The following KCNAB1 variants were observed in gnomAD, a reference collection of about 807,000 sequenced individuals.
KCNAB1 encodes the protein voltage-gated potassium channel subunit beta-1.
Under a neutral mutation model 64.6 loss-of-function variants are expected in KCNAB1, and 35 were observed. That is an observed-to-expected ratio of 0.54 (90% CI 0.41 to 0.72). The LOEUF is 0.72. KCNAB1 is among the 30% of genes least tolerant of loss of function. The pLI is 0.00. For missense variants in KCNAB1, 401 were observed against 512.9 expected (o/e 0.78, Z 2.11); for synonymous variants, 177 against 183.8 (o/e 0.96, Z 0.30).
At chr3:156,342,597 T>C (rs986127428) in intron 1 of KCNAB1, among the ~76,000 whole-genome samples, 40 of 134,584 alleles carry the variant, frequency 3.0e-4, no homozygotes, top group African/African-American at 1.1e-3. Flanking sequence ...TTTTTTTTTT[T>C]TTTTTTTTTT....
chr3:156,476,236 GT>G (rs1714329866), intron 8 of KCNAB1, among the ~76,000 whole-genome samples: 2 of 151,802 alleles, frequency 1.3e-5, no homozygotes, highest in Admixed American at 1.3e-4. Context: ...TAAGATTTTG[GT>G]GCACTTATCA....
chr3:156,377,468 A>T (rs1175695646), intron 1 of KCNAB1, among the ~76,000 whole-genome samples: 3 of 152,132 alleles, frequency 2.0e-5, no homozygotes, highest in African/African-American at 7.2e-5. Context: ...ATGGTTGTAT[A>T]CTGCCACTTG....
At chr3:156,279,429 G>C (rs981043326) in intron 1 of KCNAB1, among the ~76,000 whole-genome samples, 2 of 152,086 alleles carry the variant, frequency 1.3e-5, no homozygotes, top group African/African-American at 2.4e-5. Context: ...ATAAACATAC[G>C]GGTGCATGTG....
chr3:156,421,719 C>T (rs538302782), intron 2 of KCNAB1, 60 bp downstream of exon 2: 7 of 1,486,808 alleles, frequency 4.7e-6, no homozygotes, highest in Non-Finnish European at 6.5e-6. Context: ...GGGAGGGCAC[C>T]AGGGAGTGAC....
chr3:156,438,494 G>T (rs1293533745), intron 2 of KCNAB1, among the ~76,000 whole-genome samples: 1 of 152,226 alleles, frequency 6.6e-6, no homozygotes, highest in Admixed American at 6.5e-5. Context: ...AGACAGGTAT[G>T]TGGTTAGAAT....
intron 8 of KCNAB1, among the ~76,000 whole-genome samples, chr3:156,502,869 A>G (rs1356297913): frequency 6.6e-6 from 1 of 152,206 alleles, no homozygotes; most frequent in African/African-American, 2.4e-5. Context: ...GGAAAGTTGC[A>G]CAGTCCTGTA....
At chr3:156,357,192 T>C (rs1375950171) in intron 1 of KCNAB1, among the ~76,000 whole-genome samples, 1 of 144,900 alleles carries the variant, frequency 6.9e-6, no homozygotes, top group Admixed American at 6.7e-5. Flanking sequence ...CACACCCCTG[T>C]TCTGAAACTC....
chr3:156,430,217 G>T (rs948944968), intron 2 of KCNAB1, among the ~76,000 whole-genome samples: 5 of 152,200 alleles, frequency 3.3e-5, no homozygotes, highest in Admixed American at 3.3e-4. Context: ...GTAGGAGTGT[G>T]GCAACCTAAT....
chr3:156,356,586 T>C (rs1319116869), intron 1 of KCNAB1, among the ~76,000 whole-genome samples: 2 of 152,164 alleles, frequency 1.3e-5, no homozygotes, highest in Non-Finnish European at 2.9e-5. Context: ...CTCCTATTTT[T>C]CAAATTTAGA....
chr3:156,386,979 G>A (rs79167595), intron 1 of KCNAB1, among the ~76,000 whole-genome samples: 5 of 138,792 alleles, frequency 3.6e-5, no homozygotes, highest in Admixed American at 1.4e-4. Context: ...ATTCTTGCTT[G>A]CTTGCTTTCT....
chr3:156,286,585 GA>G (rs1720109300), intron 1 of KCNAB1, among the ~76,000 whole-genome samples: 1 of 152,080 alleles, frequency 6.6e-6, no homozygotes. Flanking sequence ...CAGGTGATAG[GA>G]AAAAAATTTT....
intron 1 of KCNAB1, among the ~76,000 whole-genome samples, chr3:156,369,025 G>A (rs1726134808): frequency 1.3e-5 from 2 of 152,148 alleles, no homozygotes; most frequent in South Asian, 4.1e-4. Flanking sequence ...ATATGCTCAT[G>A]TAACCACAGG....
chr3:156,504,840 C>T (rs1716725876), intron 8 of KCNAB1, among the ~76,000 whole-genome samples: 1 of 139,458 alleles, frequency 7.2e-6, no homozygotes, highest in Non-Finnish European at 1.5e-5. Context: ...CAAATATTTT[C>T]TCCCATTCTC....
intron 1 of KCNAB1, among the ~76,000 whole-genome samples, chr3:156,374,380 GC>G (rs1711519172): frequency 3.6e-5 from 5 of 137,872 alleles, no homozygotes; most frequent in East Asian, 1.9e-4. Context: ...ACTAATTTTG[GC>G]CATGAATTCC....
At chr3:156,172,971 G>T (rs1476329775) in intron 1 of KCNAB1, among the ~76,000 whole-genome samples, 2 of 152,360 alleles carry the variant, frequency 1.3e-5, no homozygotes, top group Non-Finnish European at 2.9e-5. Flanking sequence ...TCAGAAGCTA[G>T]TGTGGGTATT....
At chr3:156,456,077 A>G (rs1712405680) in intron 3 of KCNAB1, 1 of 152,170 alleles carries the variant, frequency 6.6e-6, no homozygotes, top group African/African-American at 2.4e-5. Flanking sequence ...CAGGAAGCTA[A>G]ATTTACAGAG....
At chr3:156,255,306 A>G (rs777494957) in intron 1 of KCNAB1, among the ~76,000 whole-genome samples, 3 of 152,232 alleles carry the variant, frequency 2.0e-5, no homozygotes, top group Admixed American at 6.5e-5. Flanking sequence ...AATGTGGCAC[A>G]GTAGGGATGA....
At chr3:156,408,032 T>A (rs1239145425) in intron 1 of KCNAB1, among the ~76,000 whole-genome samples, 1 of 151,092 alleles carries the variant, frequency 6.6e-6, no homozygotes, top group Non-Finnish European at 1.5e-5. Context: ...ACAGAGAGAT[T>A]GTGGAAGGTG....
At chr3:156,297,145 C>A (rs1190905877) in intron 1 of KCNAB1, among the ~76,000 whole-genome samples, 1 of 152,134 alleles carries the variant, frequency 6.6e-6, no homozygotes, top group Non-Finnish European at 1.5e-5. Context: ...CTGTCCACAT[C>A]CACTCCCCCT....
Sources: allele counts gnomAD v4.1 joint callset (sites outside exome capture counted in the v4.1 genomes callset), GRCh38; gene constraint gnomAD v4.1.1; transcripts MANE v1.5; gene names NCBI Gene and HGNC (gene_info 2026-07-23, HGNC 2026-07-21).